BCAT1: variants seen among roughly 807,000 people sequenced by gnomAD.
BCAT1 encodes the protein branched-chain-amino-acid aminotransferase, cytosolic.
A neutral mutation model predicts 52.4 loss-of-function variants in BCAT1; 48 were observed. The ratio of observed to expected loss-of-function variants is 0.92; its 90% confidence interval spans 0.73 to 1.16. The LOEUF is 1.16. BCAT1 is among the 50% of genes most tolerant of loss of function. BCAT1 has a pLI of 0.00. For missense variants in BCAT1, 451 were observed against 457.1 expected, an observed-to-expected ratio of 0.99 and a Z score of 0.12; for synonymous variants, 167 against 161.3, an observed-to-expected ratio of 1.04 and a Z score of -0.27.
At chr12:24,861,298 A>G (rs1319796774) in intron 5 of BCAT1, among the ~76,000 whole-genome samples, 3 of 152,232 alleles carry the variant, frequency 2.0e-5, no homozygotes, top group Non-Finnish European at 4.4e-5. Flanking sequence ...TAGCAACCCC[A>G]TATAAGCTTG....
chr12:24,849,588 C>G (rs1160774790), intron 6 of BCAT1, among the ~76,000 whole-genome samples, 198 bp downstream of exon 6: 2 of 152,182 alleles, frequency 1.3e-5, no homozygotes, highest in Non-Finnish European at 2.9e-5. Context: ...AAAGCGAGGG[C>G]ACTGAATTCA....
chr12:24,834,548 A>AT (rs1430462103), intron 8 of BCAT1: 9 of 972,668 alleles, frequency 9.3e-6, no homozygotes, highest in South Asian at 9.6e-5. Context: ...TAAGATGAGT[A>AT]TTTTTTCTTA....
chr12:24,851,355 A>G (rs1941504941), intron 5 of BCAT1, among the ~76,000 whole-genome samples: 1 of 152,164 alleles, frequency 6.6e-6, no homozygotes, highest in South Asian at 2.1e-4. Context: ...TTTTTATCTG[A>G]ACTTCAATTA....
chr12:24,947,157 C>G (rs1303138726), intron 1 of BCAT1, among the ~76,000 whole-genome samples: 1 of 142,780 alleles, frequency 7.0e-6, no homozygotes, highest in Non-Finnish European at 1.5e-5. Flanking sequence ...CTAGGCCTCC[C>G]GTCTTCCCTC....
At chr12:24,843,200 TAC>T (rs1469752083) in intron 6 of BCAT1, among the ~76,000 whole-genome samples, 14 of 116 alleles carry the variant, frequency 0.12, no homozygotes, top group South Asian at 0.5. Flanking sequence ...GTAAAACTCC[TAC>T]ATTACATTAC....
chr12:24,812,224 T>C lies in BCAT1; in HGVS notation c.*5784A>G, dbSNP rs1003011315. 6.6e-6 allele frequency: 1 copy of C among 152,106 alleles called. No homozygotes were observed. The highest frequency in any genetic ancestry group is 2.4e-5 in the African/African-American group (1 of 41,444). The allele number at this position is 152,106 out of a possible 1,614,324, so 9.4% of individuals were successfully genotyped here. The stretch of plus-strand genomic sequence containing the variant: ...GTTTGAGGAAACTGCAATGTGTTAT[T>C]GCACATTTTAGTTAAAAACTAATAG... On this transcript the variant is annotated 3_prime_UTR_variant, in exon 11 of 11. Coordinates refer to ENST00000261192, the MANE Select transcript of BCAT1 (RefSeq NM_005504.7).
intron 5 of BCAT1, among the ~76,000 whole-genome samples, chr12:24,878,124 A>G (rs1429018780): frequency 2.0e-5 from 3 of 151,732 alleles, no homozygotes; most frequent in African/African-American, 7.3e-5. Context: ...ACTGCACCCC[A>G]GCCTAAGCGA....
intron 1 of BCAT1, among the ~76,000 whole-genome samples, chr12:24,938,175 C>T (rs547307759): frequency 2.6e-5 from 4 of 152,198 alleles, no homozygotes; most frequent in African/African-American, 9.6e-5. Context: ...GACTCCTGGT[C>T]TGAGTAGCAG....
chr12:24,941,714 T>G (rs1167156133), intron 1 of BCAT1, among the ~76,000 whole-genome samples: 1 of 152,178 alleles, frequency 6.6e-6, no homozygotes, highest in Non-Finnish European at 1.5e-5. Context: ...ACAGTCGAAT[T>G]AAAGCATTGA....
rs748857180 is a variant in BCAT1 at position 24,948,327 on chromosome 12, G to A, written c.6+600C>T. On this transcript the variant is annotated intron_variant, in intron 1 of 10. Transcript: ENST00000261192. ...TAATTATCCTTGATTAGCAAGATCA[G>A]AGCCATTAGGGTGCTCACTGGTTTA... 3.9e-5 allele frequency among the ~76,000 whole-genome samples: 6 copies of A among 152,208 alleles called. No homozygotes were observed. In the South Asian group the frequency reaches 1.2e-3, roughly 31 times the overall value.
chr12:24,896,987 A>G (rs940845958), intron 2 of BCAT1, among the ~76,000 whole-genome samples: 1 of 152,236 alleles, frequency 6.6e-6, no homozygotes, highest in Non-Finnish European at 1.5e-5. Flanking sequence ...ACTTTTTATT[A>G]CATGAATAGT....
intron 1 of BCAT1, among the ~76,000 whole-genome samples, chr12:24,928,609 T>C (rs1227478135): frequency 1.5e-5 from 2 of 136,652 alleles, no homozygotes; most frequent in Non-Finnish European, 3.1e-5. Flanking sequence ...CATGCCAGCC[T>C]GCAATACAGA....
chr12:24,869,982 GTGTGTGTGTGTGTGTGTATATA>G (rs1159246400), intron 5 of BCAT1, among the ~76,000 whole-genome samples: 2 of 144,496 alleles, frequency 1.4e-5, no homozygotes, highest in East Asian at 2.0e-4. Flanking sequence ...ACATGTAAGG[GTGTGTGTGTGTGTGTGTATATA>G]TGTGTGTGTG....
At chr12:24,947,384 C>T (rs1943947259) in intron 1 of BCAT1, among the ~76,000 whole-genome samples, 3 of 152,174 alleles carry the variant, frequency 2.0e-5, no homozygotes, top group African/African-American at 4.8e-5. Flanking sequence ...AAAATACAAG[C>T]TCATGCATGA....
rs79448996 is a variant in BCAT1, at chr12:24,911,344, A to G, written c.7-9459T>C. On this transcript the variant is annotated intron_variant, in intron 1 of 10. Coordinates refer to ENST00000261192, the MANE Select transcript of BCAT1 (RefSeq NM_005504.7). ...AACCAGGCTCACACAGACCGCCACA[A>G]ATCACAACCCTCTGGAAGAGAATGA... Among the ~76,000 whole-genome samples, 1,474 of 152,228 alleles carry G rather than the reference A, an allele frequency of 9.7e-3. 14 individuals carry two copies. Among genetic ancestry groups the G allele is most frequent in the African/African-American group, 0.034 (1,417 of 41,532 alleles).
At chr12:24,941,681 C>T (rs909654923) in intron 1 of BCAT1, among the ~76,000 whole-genome samples, 23 of 152,166 alleles carry the variant, frequency 1.5e-4, no homozygotes, top group African/African-American at 5.6e-4. Context: ...GTTCATGCTA[C>T]AACAGAGGAA....
rs7959326 is a variant in BCAT1 at position 24,810,095 on chromosome 12, C to T, written c.*7913G>A. Reference sequence around the variant, plus strand: ...ATCCCTAGTGGCTTAGTGACAAAGACCTTTGGAGAGAATGATCATGGGTTT... The same window carrying T: ...ATCCCTAGTGGCTTAGTGACAAAGATCTTTGGAGAGAATGATCATGGGTTT... On this transcript the variant is annotated 3_prime_UTR_variant, in exon 11 of 11. Coordinates refer to ENST00000261192, the MANE Select transcript of BCAT1 (RefSeq NM_005504.7). 1 of 152,278 alleles carries T rather than the reference C, an allele frequency of 6.6e-6. No individual in the cohort carries two copies. Among genetic ancestry groups the T allele is most frequent in the East Asian group, 1.9e-4 (1 of 5,192 alleles). 9.4% of individuals were successfully genotyped at this position (152,278 alleles called of 1,614,324 possible). A position where few individuals can be genotyped will look rare whatever the true frequency, so the allele number is the denominator to read the frequency against.
chr12:24,881,057 A>G (rs992955264), intron 4 of BCAT1, among the ~76,000 whole-genome samples: 16 of 152,084 alleles, frequency 1.1e-4, no homozygotes, highest in African/African-American at 3.6e-4. Context: ...CTTGTCTCCA[A>G]TTCCTGGTTT....
Position 24,878,655 on chromosome 12 carries a change from A to G in BCAT1, c.391-6T>C, listed in dbSNP as rs370058373. 1.9e-6 allele frequency: 3 copies of G among 1,596,154 alleles called. No individual in the cohort carries two copies. Among genetic ancestry groups the G allele is most frequent in the African/African-American group, 2.7e-5 (2 of 74,258 alleles). On this transcript the variant is annotated splice_polypyrimidine_tract_variant and splice_region_variant and intron_variant, in intron 4 of 10. Coordinates refer to ENST00000261192, the MANE Select transcript of BCAT1 (RefSeq NM_005504.7). ...AGCTCTTCTTTGTCAAATACCTGAA[A>G]GAATGAAAAACATAATAAATGACAG...
Sources: gnomAD v4.1 joint callset for allele counts (sites outside exome capture counted in the v4.1 genomes callset) on GRCh38, gnomAD v4.1.1 for gene constraint, MANE v1.5 for transcripts, NCBI Gene and HGNC (gene_info 2026-07-23, HGNC 2026-07-21) for gene names.